The following WIPF1 variants were observed in gnomAD, a reference collection of about 807,000 sequenced individuals.
WIPF1 encodes WAS/WASL interacting protein family member 1.
In WIPF1, 13 loss-of-function variants were observed where a neutral mutation model predicts 35.4. The ratio of observed to expected loss-of-function variants is 0.37; its 90% CI spans 0.24 to 0.58. The LOEUF is 0.58. Ranked by LOEUF, WIPF1 falls within the 20% of genes least tolerant of loss-of-function variation. The pLI is 0.74. For missense variants in WIPF1, 591 were observed against 667.0 expected, an observed-to-expected ratio of 0.89 and a Z score of 1.25; for synonymous variants, 267 against 266.3, an observed-to-expected ratio of 1.00 and a Z score of -0.02.
chr2:174,625,096 A>C (rs1274496772), intron 1 of WIPF1, among the ~76,000 whole-genome samples: 1 of 152,100 alleles, frequency 6.6e-6, no homozygotes, highest in Non-Finnish European at 1.5e-5. Flanking sequence ...GTTACCAGGC[A>C]CTTTCTGGGA....
chr2:174,571,725 C>A lies in WIPF1; in HGVS notation c.1080G>T (p.Pro360=). ...SPGRSGPLPP[P]PSERPPPPVR... Reference sequence around the variant, plus strand: ...CTGGAGGTGGGGGTCTCTCACTGGGCGGGGGAGGAAGAGGACCTGAACGTC... The same window carrying A: ...CTGGAGGTGGGGGTCTCTCACTGGGAGGGGGAGGAAGAGGACCTGAACGTC... Residue 360 remains proline, a synonymous_variant, in exon 5 of 8, where the codon CCG becomes CCT. Coordinates refer to ENST00000679041, the MANE Select transcript of WIPF1 (RefSeq NM_001375834.1). The surrounding 1 kb of genome is among the most constrained non-coding windows in gnomAD (Gnocchi z 4.6). The A allele has an allele frequency of 6.2e-7, 1 of 1,613,838 alleles. No homozygotes were observed. Among genetic ancestry groups the A allele is most frequent in the Non-Finnish European group, 8.5e-7 (1 of 1,179,986 alleles).
At chr2:174,670,426 C>T (rs1331204288) in intron 1 of WIPF1, among the ~76,000 whole-genome samples, 2 of 152,190 alleles carry the variant, frequency 1.3e-5, no homozygotes, top group Admixed American at 1.3e-4. Flanking sequence ...TGTCACAACC[C>T]TATCTACAAA....
At chr2:174,580,662 G>A (rs377413285) in intron 3 of WIPF1, among the ~76,000 whole-genome samples, 9 of 152,194 alleles carry the variant, frequency 5.9e-5, no homozygotes, top group African/African-American at 2.2e-4. Context: ...TCTAGTCATG[G>A]ATTATTTTTT....
At chr2:174,598,593 T>C (rs1685897184), upstream of WIPF1, among the ~76,000 whole-genome samples, 1 of 152,202 alleles carries the variant, frequency 6.6e-6, no homozygotes, top group South Asian at 2.1e-4. Context: ...TTGCTGGGAT[T>C]ACAGGCTTGA....
chr2:174,648,831 AAAAC>A (rs1387132477), intron 1 of WIPF1, among the ~76,000 whole-genome samples: 1 of 152,254 alleles, frequency 6.6e-6, no homozygotes, highest in Non-Finnish European at 1.5e-5. Context: ...TATAAAAACA[AAAAC>A]AAACAAAGCA....
chr2:174,601,903 T>C (rs1686021494), upstream of WIPF1, among the ~76,000 whole-genome samples: 1 of 152,196 alleles, frequency 6.6e-6, no homozygotes, highest in Non-Finnish European at 1.5e-5. Flanking sequence ...TTAATGTCTT[T>C]AGCCTCATTT....
chr2:174,611,107 AAAGATTAAACAG>A (rs2105898984), intron 1 of WIPF1, among the ~76,000 whole-genome samples: 1 of 152,338 alleles, frequency 6.6e-6, no homozygotes, highest in East Asian at 1.9e-4. Context: ...GGGATACTAC[AAAGATTAAACAG>A]ACAAAATTGT....
chr2:174,642,433 G>A (rs549759775), intron 1 of WIPF1, among the ~76,000 whole-genome samples: 72 of 127,130 alleles, frequency 5.7e-4, no homozygotes, highest in African/African-American at 1.7e-3. Flanking sequence ...TGCAAGCTCC[G>A]CCTCCCAGGT....
Position 174,572,296 on chromosome 2 carries a change from G to A in WIPF1, c.509C>T (p.Pro170Leu), listed in dbSNP as rs560424291. ...GPPEPQRNRMPPPRPDVGSKP... is the reference protein window; with the variant it reads ...GPPEPQRNRMLPPRPDVGSKP... ...TGAGCCCACGTCGGGCCTTGGGGGC[G>A]GCATTCGGTTCCTCTGAGGCTCTGG... Residue 170 changes from proline to leucine, a missense_variant, in exon 5 of 8, where the codon CCG becomes CTG. Pro to Leu is a moderately conservative substitution (Grantham distance 98). This residue lies in a region of WIPF1 where 471 missense variants were observed against 501.1 expected (regional missense o/e 0.94). Transcript: ENST00000679041. The A allele has an allele frequency of 1.1e-5, 18 of 1,614,146 alleles. No homozygotes were observed. The highest frequency in any genetic ancestry group is 6.7e-5 in the East Asian group (3 of 44,868).
chr2:174,607,018 G>A (rs1686187345), intron 1 of WIPF1, among the ~76,000 whole-genome samples: 2 of 152,174 alleles, frequency 1.3e-5, no homozygotes, highest in African/African-American at 4.8e-5. Context: ...TGAGAGGCAG[G>A]GAAGGAAGGA....
At chr2:174,662,823 T>C (rs1231600264) in intron 1 of WIPF1, among the ~76,000 whole-genome samples, 1 of 151,928 alleles carries the variant, frequency 6.6e-6, no homozygotes, top group Non-Finnish European at 1.5e-5. Context: ...TCTTGAGAGA[T>C]TTTTCCAGAA....
At chr2:174,595,581 A>G (rs1685796540) in intron 1 of WIPF1, among the ~76,000 whole-genome samples, 1 of 152,214 alleles carries the variant, frequency 6.6e-6, no homozygotes, top group South Asian at 2.1e-4. Flanking sequence ...GTAACACAAA[A>G]TAAGTGGTCA....
At chr2:174,633,039 A>T (rs1023342287) in intron 1 of WIPF1, among the ~76,000 whole-genome samples, 2 of 152,094 alleles carry the variant, frequency 1.3e-5, no homozygotes, top group Admixed American at 1.3e-4. Context: ...TGATAAATCC[A>T]ATCTTCCCTC....
chr2:174,640,461 G>A (rs1237382055), intron 1 of WIPF1, among the ~76,000 whole-genome samples: 5 of 149,210 alleles, frequency 3.4e-5, no homozygotes, highest in Non-Finnish European at 7.4e-5. Flanking sequence ...TAACTAACCT[G>A]CACATTGTGC....
intron 1 of WIPF1, among the ~76,000 whole-genome samples, chr2:174,619,081 G>A (rs898340468): frequency 6.6e-6 from 1 of 152,052 alleles, no homozygotes; most frequent in Non-Finnish European, 1.5e-5. Context: ...AGCCTCCTGA[G>A]TAGCTGGGAC....
rs1199923556 is a variant in WIPF1 at position 174,622,401 on chromosome 2, A to AT, written c.-38-36791dup. ...TCATGAATTTCATATGTTGTTGTAC[A>AT]TTTTTTCTACTACACATTAAAACAA... On this transcript the variant is annotated intron_variant, in intron 1 of 8. Coordinates refer to the WIPF1 transcript ENST00000272746. This position sits in a 1 kb window ranked among gnomAD's most constrained non-coding sequence, Gnocchi z 5.1. 6.6e-6 allele frequency among the ~76,000 whole-genome samples: 1 copy of AT among 152,190 alleles called. No homozygotes were observed. Among genetic ancestry groups the AT allele is most frequent in the African/African-American group, 2.4e-5 (1 of 41,430 alleles).
Position 174,560,102 on chromosome 2 carries a change from A to AC in WIPF1, c.*2444_*2445insG, listed in dbSNP as rs960378456. On this transcript the variant is annotated 3_prime_UTR_variant, in exon 8 of 8. Coordinates refer to ENST00000679041, the MANE Select transcript of WIPF1 (RefSeq NM_001375834.1). ...CATTTATCTGAAAATGTTATAAAAA[A>AC]ACACACATGTAAGCTCTGATTTCAG... is the stretch of plus-strand genomic sequence containing the variant. 110 of 152,724 alleles carry AC rather than the reference A, an allele frequency of 7.2e-4. No homozygotes were observed. Among genetic ancestry groups the AC allele is most frequent in the African/African-American group, 2.6e-3 (109 of 41,550 alleles). The allele number at this position is 152,724 out of a possible 1,614,324, so 9.5% of individuals were successfully genotyped here. A position where few individuals can be genotyped will look rare whatever the true frequency, so the allele number is the denominator to read the frequency against.
rs372545449 is a variant in WIPF1 at position 174,572,107 on chromosome 2, C to T, written c.698G>A (p.Gly233Asp). ...GCTCAAGGGGGACTGACGTATTGAGCCTCCTCCCAAAGCAGTGCCGCGGTT... is the reference window on the plus strand; with the variant it reads ...GCTCAAGGGGGACTGACGTATTGAGTCTCCTCCCAAAGCAGTGCCGCGGTT... ...PGNRGTALGG[G>D]SIRQSPLSSS... Residue 233 changes from glycine to aspartate, a missense_variant, in exon 5 of 8, where the codon GGC becomes GAC. Physicochemically the swap from Gly to Asp is moderately conservative, Grantham distance 94 (BLOSUM62 -1). Around this residue, in one of 3 missense-constraint regions of WIPF1, gnomAD observed 471 missense variants for 501.1 expected, o/e 0.94. Coordinates refer to ENST00000679041, the MANE Select transcript of WIPF1 (RefSeq NM_001375834.1). The T allele has an allele frequency of 6.3e-7, 1 of 1,597,720 alleles. No homozygotes were observed. The highest frequency in any genetic ancestry group is 8.5e-7 in the Non-Finnish European group (1 of 1,172,328).
At chr2:174,600,273 G>A (rs572592031), upstream of WIPF1, among the ~76,000 whole-genome samples, 1 of 152,268 alleles carries the variant, frequency 6.6e-6, no homozygotes, top group East Asian at 1.9e-4. Flanking sequence ...TGTAGTTTGA[G>A]TCTATTCCTA....
Sources: allele counts gnomAD v4.1 joint callset (sites outside exome capture counted in the v4.1 genomes callset), GRCh38; gene constraint gnomAD v4.1.1; regional missense constraint gnomAD v4.1.1; non-coding constraint Gnocchi (gnomAD v3.1); transcripts MANE v1.5; gene names NCBI Gene and HGNC (gene_info 2026-07-23, HGNC 2026-07-21).